The following SPATA17 variants were observed in gnomAD, a reference collection of about 807,000 sequenced individuals.
The protein encoded by SPATA17 is spermatogenesis-associated protein 17.
Under a neutral mutation model 62.2 loss-of-function variants are expected in SPATA17, and 53 were observed. The ratio of observed to expected loss-of-function variants is 0.85; its 90% CI spans 0.68 to 1.07. SPATA17 has a LOEUF of 1.07. SPATA17 is among the 50% of genes least tolerant of loss of function. The pLI is 0.00. For missense variants in SPATA17, 466 were observed against 425.5 expected, an observed-to-expected ratio of 1.10 and a Z score of -0.84; for synonymous variants, 146 against 146.8, an observed-to-expected ratio of 0.99 and a Z score of 0.04.
chr1:217,646,538 T>C lies in SPATA17; in HGVS notation c.69-2344T>C, dbSNP rs144322918. ...GCGTTTTCCTTTTCTTCCATTTTACTTTCCCTTTCTTCTGCTCTTTTCATT... is the reference window on the plus strand; with the variant it reads ...GCGTTTTCCTTTTCTTCCATTTTACCTTCCCTTTCTTCTGCTCTTTTCATT... On this transcript the variant is annotated intron_variant, in intron 1 of 10. Coordinates refer to ENST00000366933, the MANE Select transcript of SPATA17 (RefSeq NM_138796.4). Among the ~76,000 whole-genome samples, 37 of 152,260 alleles carry C rather than the reference T, an allele frequency of 2.4e-4. No homozygotes were observed. In the East Asian group the frequency reaches 6.6e-3, roughly 27 times the overall value.
intron 9 of SPATA17, among the ~76,000 whole-genome samples, chr1:217,824,281 A>G (rs1674935603): frequency 1.3e-5 from 2 of 151,672 alleles, no homozygotes; most frequent in African/African-American, 4.8e-5. Flanking sequence ...ATTTTGTTGA[A>G]TTTTTAGTAT....
rs749158589 is a variant in SPATA17 at position 217,651,195 on chromosome 1, C to T, written c.240+17C>T. ...ACTGTGCAGGTAAATATAAAATGTA[C>T]ATATGTTAGCATTTGAATTGTACAA... On this transcript the variant is annotated intron_variant, in intron 3 of 10. Coordinates refer to ENST00000366933, the MANE Select transcript of SPATA17 (RefSeq NM_138796.4). 4 of 1,547,862 alleles carry T rather than the reference C, an allele frequency of 2.6e-6. No individual in the cohort carries two copies. Among genetic ancestry groups the T allele is most frequent in the East Asian group, 4.5e-5 (2 of 44,252 alleles).
At chr1:217,646,818 C>T (rs574990317) in intron 1 of SPATA17, among the ~76,000 whole-genome samples, 48 of 151,954 alleles carry the variant, frequency 3.2e-4, no homozygotes, top group African/African-American at 9.7e-4. Flanking sequence ...CACTTGAACC[C>T]GGGAGGCGGA....
intron 9 of SPATA17, among the ~76,000 whole-genome samples, chr1:217,811,121 C>T (rs574427884): frequency 3.9e-5 from 6 of 152,234 alleles, no homozygotes; most frequent in Non-Finnish European, 8.8e-5. Context: ...GCAACCTCTG[C>T]CTCCCAAGCT....
intron 5 of SPATA17, among the ~76,000 whole-genome samples, chr1:217,720,752 A>G (rs1240013657): frequency 6.6e-6 from 1 of 152,250 alleles, no homozygotes; most frequent in Non-Finnish European, 1.5e-5. Context: ...ATACAGAAAT[A>G]GTAAATACTG....
At chr1:217,759,849 TA>T (rs1360503215) in intron 6 of SPATA17, among the ~76,000 whole-genome samples, 1 of 152,188 alleles carries the variant, frequency 6.6e-6, no homozygotes, top group Non-Finnish European at 1.5e-5. Context: ...GCAATTTGAC[TA>T]AAAAGCAAAT....
intron 6 of SPATA17, among the ~76,000 whole-genome samples, chr1:217,761,463 A>AATATAC (rs1263021539): frequency 3.3e-5 from 5 of 152,186 alleles, no homozygotes; most frequent in Non-Finnish European, 7.3e-5. Flanking sequence ...GTGTACTTCC[A>AATATAC]ATATACATAT....
intron 8 of SPATA17, among the ~76,000 whole-genome samples, chr1:217,792,573 C>G (rs914670525): frequency 1.1e-4 from 16 of 152,176 alleles, no homozygotes; most frequent in African/African-American, 3.4e-4. Flanking sequence ...CCTTCCAGCT[C>G]TAGAACCCAC....
chr1:217,749,949 C>CTT, intron 6 of SPATA17, among the ~76,000 whole-genome samples: 1 of 31,798 alleles, frequency 3.1e-5, no homozygotes, highest in African/African-American at 1.3e-4. Context: ...AAGATTCTCT[C>CTT]TCTCTCTCTC....
chr1:217,784,531 C>T (rs1461604947), intron 8 of SPATA17, among the ~76,000 whole-genome samples: 2 of 151,976 alleles, frequency 1.3e-5, no homozygotes, highest in African/African-American at 2.4e-5. Context: ...GTATAATCTT[C>T]GGTTAGTAAT....
At chr1:217,752,870 C>T (rs181416362) in intron 6 of SPATA17, among the ~76,000 whole-genome samples, 38 of 152,206 alleles carry the variant, frequency 2.5e-4, no homozygotes, top group South Asian at 1.2e-3. Context: ...CCTATCTACA[C>T]GGTGGGTGGT....
chr1:217,664,872 G>T (rs981198865), intron 3 of SPATA17, among the ~76,000 whole-genome samples: 1 of 152,038 alleles, frequency 6.6e-6, no homozygotes, highest in African/African-American at 2.4e-5. Flanking sequence ...AGAAAAGGTA[G>T]TTTCTCCTAT....
At chr1:217,711,596 A>G (rs1671866508) in intron 5 of SPATA17, among the ~76,000 whole-genome samples, 2 of 152,272 alleles carry the variant, frequency 1.3e-5, no homozygotes, top group South Asian at 2.1e-4. Context: ...TACTTTGCAG[A>G]GTTTTTGTGA....
intron 5 of SPATA17, among the ~76,000 whole-genome samples, chr1:217,720,611 C>T (rs552433166): frequency 6.6e-6 from 1 of 151,962 alleles, no homozygotes; most frequent in Non-Finnish European, 1.5e-5. Context: ...TGGGCAATAT[C>T]GTAAGGCCTT....
Position 217,807,440 on chromosome 1 carries a change from T to C in SPATA17, c.1005+5590T>C, listed in dbSNP as rs546412437. On this transcript the variant is annotated intron_variant, in intron 9 of 10. Transcript: ENST00000366933. ...AAAATCACATATAAAAGGAAACCCA[T>C]ATTACTCTCTAAGGACATTCCTAAG... 2.6e-5 allele frequency among the ~76,000 whole-genome samples: 4 copies of C among 152,248 alleles called. 1 individual carries two copies. The South Asian group carries it at 8.3e-4, about 32-fold the overall frequency.
At chr1:217,819,266 A>C (rs1410858566) in intron 9 of SPATA17, among the ~76,000 whole-genome samples, 1 of 151,846 alleles carries the variant, frequency 6.6e-6, no homozygotes. Flanking sequence ...GGTCAAGTAC[A>C]TACTTTTCTG....
At chr1:217,717,896 G>A (rs1475820424) in intron 5 of SPATA17, among the ~76,000 whole-genome samples, 2 of 146,956 alleles carry the variant, frequency 1.4e-5, no homozygotes, top group African/African-American at 5.2e-5. Context: ...ATGTGTGTCC[G>A]TTTAATAAGA....
intron 9 of SPATA17, among the ~76,000 whole-genome samples, chr1:217,860,090 G>A (rs948745530): frequency 9.2e-5 from 14 of 151,820 alleles, no homozygotes; most frequent in Non-Finnish European, 2.1e-4. Flanking sequence ...CAAATCTGAT[G>A]GGTTGTATTT....
At chr1:217,810,515 G>T (rs1674561083) in intron 9 of SPATA17, among the ~76,000 whole-genome samples, 1 of 151,986 alleles carries the variant, frequency 6.6e-6, no homozygotes, top group African/African-American at 2.4e-5. Flanking sequence ...TCAGCTACTT[G>T]GGGGGCTGAG....
Sources: gnomAD v4.1 joint callset for allele counts (sites outside exome capture counted in the v4.1 genomes callset) on GRCh38, gnomAD v4.1.1 for gene constraint, MANE v1.5 for transcripts, NCBI Gene and HGNC (gene_info 2026-07-23, HGNC 2026-07-21) for gene names.